The following SNX4 variants were observed in gnomAD, a reference collection of about 807,000 sequenced individuals.
SNX4 encodes sorting nexin-4.
A neutral mutation model predicts 70.8 loss-of-function variants in SNX4; 49 were observed. The observed-to-expected ratio is 0.69, with a 90% confidence interval of 0.55 to 0.88. The LOEUF is 0.88. Ranked by LOEUF, SNX4 falls within the 40% of genes least tolerant of loss-of-function variation. The pLI, the probability that SNX4 is intolerant of heterozygous loss-of-function variation, is 0.00. For synonymous variants in SNX4, 206 were observed against 183.8 expected, an observed-to-expected ratio of 1.12 and a Z score of -0.98; for missense variants, 528 against 544.8, an observed-to-expected ratio of 0.97 and a Z score of 0.31.
intron 9 of SNX4, among the ~76,000 whole-genome samples, chr3:125,464,890 G>A (rs1047639426): frequency 1.2e-4 from 18 of 151,958 alleles, no homozygotes; most frequent in African/African-American, 3.6e-4. Flanking sequence ...GACTACAGGT[G>A]CACATCACCA....
At chr3:125,511,307 A>ATCTCTCTC (rs10624343) in intron 1 of SNX4, among the ~76,000 whole-genome samples, 1 of 151,694 alleles carries the variant, frequency 6.6e-6, no homozygotes, top group African/African-American at 2.4e-5. Flanking sequence ...CCAAAATCGA[A>ATCTCTCTC]TCTCTCTCTC....
chr3:125,491,201 C>A (rs1002526755), intron 5 of SNX4, among the ~76,000 whole-genome samples: 15 of 152,078 alleles, frequency 9.9e-5, no homozygotes, highest in African/African-American at 3.6e-4. Context: ...ATCCTTCTTA[C>A]ATCTCAAGGA....
chr3:125,499,501 A>T (rs1934878577), intron 2 of SNX4, among the ~76,000 whole-genome samples: 1 of 152,214 alleles, frequency 6.6e-6, no homozygotes, highest in Non-Finnish European at 1.5e-5. Flanking sequence ...TATGAAATGC[A>T]AAATTCACAA....
chr3:125,468,716 G>A (rs966869350), intron 9 of SNX4, among the ~76,000 whole-genome samples: 3 of 152,080 alleles, frequency 2.0e-5, no homozygotes, highest in African/African-American at 7.2e-5. Context: ...AGGCGTGGTG[G>A]CATGCACCTG....
intron 12 of SNX4, among the ~76,000 whole-genome samples, chr3:125,452,387 C>T (rs950829158): frequency 4.6e-5 from 7 of 152,142 alleles, no homozygotes; most frequent in Admixed American, 4.6e-4. Context: ...TGAGCCACCA[C>T]GGCCAGCTGC....
chr3:125,476,744 G>T lies in SNX4; in HGVS notation c.739C>A (p.Arg247=). 1 of 1,587,308 alleles carries T rather than the reference G, an allele frequency of 6.3e-7. No homozygotes were observed. The highest frequency in any genetic ancestry group is 8.6e-7 in the Non-Finnish European group (1 of 1,159,776). Residue 247 remains arginine (R), a synonymous_variant, in exon 8 of 14, where the codon CGA becomes AGA. Transcript: ENST00000251775. Reference sequence around the variant, plus strand: ...TGTACTTTATATACACCATAGAGTCGATCTGCTACTCTCTGAAATAAATAT... The same window carrying T: ...TGTACTTTATATACACCATAGAGTCTATCTGCTACTCTCTGAAATAAATAT... ...LLRVRARVAD[R]LYGVYKVHGN... is the part of the protein sequence containing the mutation.
rs116452136 is a variant in SNX4, at chr3:125,482,443, C to T, written c.654-2124G>A. On this transcript the variant is annotated intron_variant, in intron 6 of 13. Coordinates refer to ENST00000251775, the MANE Select transcript of SNX4 (RefSeq NM_003794.4). The stretch of plus-strand genomic sequence containing the variant: ...CAGTCTGTTGATTCTACCTCCTAAA[C>T]ATTGCCCCAATCCACTCACTTTTCT... Among the ~76,000 whole-genome samples the T allele has an allele frequency of 4.4e-3, 671 of 152,244 alleles. 3 individuals carry two copies. The highest frequency in any genetic ancestry group is 0.015 in the African/African-American group (631 of 41,532).
At chr3:125,476,126 G>C (rs976444262) in intron 8 of SNX4, among the ~76,000 whole-genome samples, 6 of 151,834 alleles carry the variant, frequency 4.0e-5, no homozygotes, top group Admixed American at 3.3e-4. Context: ...AAATAGCCAG[G>C]TGTGGTGGCA....
intron 2 of SNX4, among the ~76,000 whole-genome samples, chr3:125,502,802 C>T (rs1340582749): frequency 2.2e-5 from 3 of 138,930 alleles, no homozygotes; most frequent in Non-Finnish European, 4.5e-5. Context: ...TGCAGTGAGC[C>T]GAGATCGCGC....
chr3:125,477,562 A>T (rs1045761185), intron 7 of SNX4, among the ~76,000 whole-genome samples: 1 of 152,222 alleles, frequency 6.6e-6, no homozygotes, highest in African/African-American at 2.4e-5. Flanking sequence ...TCTAAGTATA[A>T]GCTCTAAGGA....
chr3:125,477,490 A>G (rs2107543268), intron 7 of SNX4, among the ~76,000 whole-genome samples: 1 of 152,318 alleles, frequency 6.6e-6, no homozygotes, highest in South Asian at 2.1e-4. Context: ...TTATGAAAAC[A>G]AACTGGAAGA....
chr3:125,481,211 A>G (rs988413313), intron 6 of SNX4, among the ~76,000 whole-genome samples: 2 of 152,100 alleles, frequency 1.3e-5, no homozygotes, highest in East Asian at 3.9e-4. Context: ...AAAGTCACCA[A>G]CTATTTTCAT....
At chr3:125,482,752 G>C (rs1268988962) in intron 6 of SNX4, among the ~76,000 whole-genome samples, 1 of 152,050 alleles carries the variant, frequency 6.6e-6, no homozygotes, top group East Asian at 1.9e-4. Flanking sequence ...GAAATAAAGA[G>C]GCAGTGGTGA....
intron 1 of SNX4, among the ~76,000 whole-genome samples, chr3:125,508,448 T>C (rs958303324): frequency 1.8e-4 from 24 of 136,512 alleles, no homozygotes; most frequent in African/African-American, 5.6e-4. Context: ...GCGCCTGTAG[T>C]CCCAACCACT....
chr3:125,470,292 T>C (rs1194852822), intron 8 of SNX4, among the ~76,000 whole-genome samples: 1 of 152,108 alleles, frequency 6.6e-6, no homozygotes, highest in Non-Finnish European at 1.5e-5. Context: ...ACTATTAAAA[T>C]AATTTGTTCT....
chr3:125,484,708 A>G (rs1166780717), intron 6 of SNX4, among the ~76,000 whole-genome samples: 1 of 151,912 alleles, frequency 6.6e-6, no homozygotes, highest in Non-Finnish European at 1.5e-5. Context: ...AGGCAAAAAC[A>G]TGGCTAGGTG....
chr3:125,447,895 A>G, intron 13 of SNX4, 69 bp from the exon 14 acceptor site: 1 of 953,960 alleles, frequency 1.0e-6, no homozygotes, highest in Non-Finnish European at 1.6e-6. Flanking sequence ...TACTTGGCTT[A>G]GTGGTACACT....
chr3:125,494,465 T>C (rs75558157), intron 5 of SNX4, among the ~76,000 whole-genome samples: 6,504 of 152,184 alleles, frequency 0.043, 208 homozygotes, highest in Non-Finnish European at 0.058. Flanking sequence ...AAAATAAACA[T>C]AGTATAATTA....
At chr3:125,464,560 C>CTT (rs1559811794) in intron 9 of SNX4, among the ~76,000 whole-genome samples, 2 of 91,240 alleles carry the variant, frequency 2.2e-5, no homozygotes, top group African/African-American at 4.6e-5. Context: ...ATCTATTTAT[C>CTT]TTTCTTTTTT....
Sources: gnomAD v4.1 joint callset for allele counts (sites outside exome capture counted in the v4.1 genomes callset) on GRCh38, gnomAD v4.1.1 for gene constraint, MANE v1.5 for transcripts, NCBI Gene and HGNC (gene_info 2026-07-23, HGNC 2026-07-21) for gene names.